CA10: variants seen among roughly 807,000 people sequenced by gnomAD.
CA10 encodes carbonic anhydrase-related protein 10.
In CA10, 14 loss-of-function variants were observed where a neutral mutation model predicts 44.2. The ratio of observed to expected loss-of-function variants is 0.32; its 90% CI spans 0.21 to 0.50. The LOEUF is 0.50. Ranked by LOEUF, CA10 falls within the 20% of genes least tolerant of loss-of-function variation. CA10 has a pLI of 0.99. For synonymous variants in CA10, 159 were observed against 141.6 expected (o/e 1.12, Z -0.87); for missense variants, 350 against 409.7 (o/e 0.85, Z 1.26).
chr17:51,786,939 G>A (rs995508131), intron 3 of CA10, among the ~76,000 whole-genome samples: 3 of 152,030 alleles, frequency 2.0e-5, no homozygotes, highest in African/African-American at 4.8e-5. Flanking sequence ...TAATCATATT[G>A]TTTTTGTCCT....
At chr17:52,063,301 T>C (rs1352184089) in intron 2 of CA10, among the ~76,000 whole-genome samples, 1 of 152,204 alleles carries the variant, frequency 6.6e-6, no homozygotes, top group Non-Finnish European at 1.5e-5. Flanking sequence ...ATTTTGGATT[T>C]GGGACTTTTG....
chr17:51,662,822 T>C (rs979358477), intron 4 of CA10, among the ~76,000 whole-genome samples: 9 of 152,178 alleles, frequency 5.9e-5, no homozygotes, highest in Non-Finnish European at 1.3e-4. Context: ...CTGGCTATCA[T>C]ACCAACCTAG....
chr17:51,704,902 G>T (rs1320209451), intron 4 of CA10, among the ~76,000 whole-genome samples: 5 of 151,724 alleles, frequency 3.3e-5, no homozygotes, highest in Non-Finnish European at 7.4e-5. Flanking sequence ...GGTGGAGGTG[G>T]AGGTTGCAGT....
intron 2 of CA10, among the ~76,000 whole-genome samples, chr17:51,976,649 G>GA (rs1278752862): frequency 1.3e-5 from 2 of 151,254 alleles, no homozygotes; most frequent in East Asian, 3.9e-4. Flanking sequence ...CATTAGAAAG[G>GA]AAAATAAAAG....
At chr17:51,871,917 A>G (rs183090005) in intron 3 of CA10, among the ~76,000 whole-genome samples, 4 of 152,338 alleles carry the variant, frequency 2.6e-5, no homozygotes, top group African/African-American at 9.6e-5. Flanking sequence ...AATGCCAAGA[A>G]GAATGAAACA....
intron 3 of CA10, among the ~76,000 whole-genome samples, chr17:51,767,847 T>C (rs1241577982): frequency 6.6e-6 from 1 of 151,778 alleles, no homozygotes; most frequent in Non-Finnish European, 1.5e-5. Flanking sequence ...TAGTTAATAA[T>C]AGGGTTCATG....
chr17:51,677,887 C>CA (rs893514803), intron 4 of CA10, among the ~76,000 whole-genome samples: 6 of 19,154 alleles, frequency 3.1e-4, no homozygotes, highest in Non-Finnish European at 6.5e-4. Flanking sequence ...AGGTATACAC[C>CA]CCCCCCCCCA....
intron 3 of CA10, among the ~76,000 whole-genome samples, chr17:51,897,122 T>A (rs990090936): frequency 1.2e-4 from 19 of 152,166 alleles, no homozygotes; most frequent in African/African-American, 4.6e-4. Flanking sequence ...ACTTTTAGTG[T>A]TTTCATCATG....
chr17:51,650,020 A>G (rs1913503537), intron 5 of CA10, among the ~76,000 whole-genome samples: 1 of 151,898 alleles, frequency 6.6e-6, no homozygotes, highest in African/African-American at 2.4e-5. Context: ...CACCCAACAA[A>G]TAAATATTTG....
chr17:51,711,437 TG>T (rs1307079624), intron 4 of CA10, among the ~76,000 whole-genome samples: 1 of 152,220 alleles, frequency 6.6e-6, no homozygotes, highest in Non-Finnish European at 1.5e-5. Context: ...TTGCTGGTTT[TG>T]TTTAATTTTA....
At chr17:51,845,982 A>G (rs1189924580) in intron 3 of CA10, among the ~76,000 whole-genome samples, 2 of 152,138 alleles carry the variant, frequency 1.3e-5, no homozygotes, top group African/African-American at 2.4e-5. Context: ...TCACATATCT[A>G]TGTGAACAGC....
At chr17:51,656,939 A>C (rs936819128) in intron 4 of CA10, among the ~76,000 whole-genome samples, 2 of 152,230 alleles carry the variant, frequency 1.3e-5, no homozygotes, top group Non-Finnish European at 2.9e-5. Context: ...AAACAGGCTG[A>C]GTCCAGATCA....
In CA10 at chr17:52,072,447, C is replaced by T. The variant is rs544232802; in HGVS notation, c.62-54G>A. On this transcript the variant is annotated intron_variant, in intron 1 of 8. Transcript: ENST00000451037. Reference sequence around the variant, plus strand: ...AGATGATAGCAGAGAAGCACTGTGTCCCGGCTGTCCGAGTAAGAAGGGTGA... The same window carrying T: ...AGATGATAGCAGAGAAGCACTGTGTTCCGGCTGTCCGAGTAAGAAGGGTGA... 38 of 1,324,066 alleles carry T rather than the reference C, an allele frequency of 2.9e-5. No individual in the cohort carries two copies. The East Asian group carries it at 6.9e-4, about 24-fold the overall frequency. 82.0% of individuals were successfully genotyped at this position (1,324,066 alleles called of 1,614,324 possible). A position where few individuals can be genotyped will look rare whatever the true frequency, so the allele number is the denominator to read the frequency against.
intron 4 of CA10, among the ~76,000 whole-genome samples, chr17:51,715,687 GTTCA>G (rs1916087264): frequency 6.6e-6 from 1 of 151,812 alleles, no homozygotes; most frequent in Non-Finnish European, 1.5e-5. Flanking sequence ...GAGTAGTCTT[GTTCA>G]TTCATTCTTT....
intron 3 of CA10, among the ~76,000 whole-genome samples, chr17:51,912,414 C>T (rs2143953238): frequency 6.6e-6 from 1 of 152,232 alleles, no homozygotes; most frequent in Middle Eastern, 3.4e-3. Context: ...TCCTTGTTTT[C>T]ATGCATCCTG....
intron 3 of CA10, among the ~76,000 whole-genome samples, chr17:51,834,654 C>G (rs1273302050): frequency 2.0e-5 from 3 of 152,156 alleles, no homozygotes; most frequent in Non-Finnish European, 4.4e-5. Context: ...AGGCAGGTGA[C>G]AAAGTAATAA....
At chr17:51,671,902 G>T (rs1914442192) in intron 4 of CA10, among the ~76,000 whole-genome samples, 1 of 152,188 alleles carries the variant, frequency 6.6e-6, no homozygotes, top group Admixed American at 6.5e-5. Flanking sequence ...GGGCTTGACT[G>T]TGCTTTCAAT....
intron 4 of CA10, among the ~76,000 whole-genome samples, chr17:51,737,543 A>G (rs1018848479): frequency 6.6e-6 from 1 of 152,166 alleles, no homozygotes; most frequent in African/African-American, 2.4e-5. Flanking sequence ...TAATATATAT[A>G]TAGAACCAGC....
chr17:52,145,023 A>G (rs1989554341), intron 1 of CA10, among the ~76,000 whole-genome samples: 1 of 152,204 alleles, frequency 6.6e-6, no homozygotes, highest in Non-Finnish European at 1.5e-5. Context: ...ATAAGGTATA[A>G]CGTATAATGT....
Sources: allele counts gnomAD v4.1 joint callset (sites outside exome capture counted in the v4.1 genomes callset), GRCh38; gene constraint gnomAD v4.1.1; transcripts MANE v1.5; gene names NCBI Gene and HGNC (gene_info 2026-07-23, HGNC 2026-07-21).